The following ADGRL2 variants were observed in gnomAD, a reference collection of about 807,000 sequenced individuals.
ADGRL2 encodes the protein adhesion G protein-coupled receptor L2.
ADGRL2 carries 44 observed loss-of-function variants against 157.4 expected under a neutral mutation model. That is an observed-to-expected ratio of 0.28 (90% CI 0.22 to 0.36). ADGRL2 has a LOEUF of 0.36. ADGRL2 is among the 10% of genes least tolerant of loss of function. ADGRL2 has a pLI of 1.00. For synonymous variants in ADGRL2, 585 were observed against 624.7 expected, an observed-to-expected ratio of 0.94 and a Z score of 0.95; for missense variants, 1,510 against 1,768.9, an observed-to-expected ratio of 0.85 and a Z score of 2.63.
intron 1 of ADGRL2, among the ~76,000 whole-genome samples, chr1:81,717,167 G>T (rs1054271114): frequency 6.6e-6 from 1 of 152,256 alleles, no homozygotes; most frequent in Admixed American, 6.5e-5. Flanking sequence ...CAAAGGCTTG[G>T]GAATGTCTGC....
At chr1:81,637,912 C>T (rs1456272079) in intron 3 of ADGRL2, among the ~76,000 whole-genome samples, 3 of 143,358 alleles carry the variant, frequency 2.1e-5, no homozygotes, top group African/African-American at 7.6e-5. Flanking sequence ...AAAAGGTATG[C>T]TTTTTTTTTT....
intron 3 of ADGRL2, among the ~76,000 whole-genome samples, chr1:81,662,157 CAGTTATACTCTTTA>C (rs1317386969): frequency 6.6e-6 from 1 of 151,914 alleles, no homozygotes; most frequent in Admixed American, 6.6e-5. Flanking sequence ...ACAAACAATC[CAGTTATACTCTTTA>C]AGTTATTTTA....
intron 23 of ADGRL2, chr1:81,989,643 CT>C (rs771186471): frequency 1.2e-6 from 2 of 1,607,606 alleles, no homozygotes; most frequent in Non-Finnish European, 1.7e-6. Context: ...ATTTTACTTT[CT>C]TTTATATATC....
At position 81,482,425 on chromosome 1, in the gene ADGRL2, C is replaced by T. The variant is rs539741566; in HGVS notation, c.-248+37336C>T. ...AAAAAAAATTATCTTTGCTCTTGTCCTAAACCCACACATATAATTTATTAT... is the reference window on the plus strand; with the variant it reads ...AAAAAAAATTATCTTTGCTCTTGTCTTAAACCCACACATATAATTTATTAT... On this transcript the variant is annotated intron_variant, in intron 2 of 24. Coordinates refer to the ADGRL2 transcript ENST00000370721. Among the ~76,000 whole-genome samples, 165 of 152,190 alleles carry T rather than the reference C, an allele frequency of 1.1e-3. 1 individual carries two copies. The highest frequency in any genetic ancestry group is 2.0e-3 in the Non-Finnish European group (138 of 68,006).
At chr1:81,948,149 G>A (rs906900015) in intron 6 of ADGRL2, among the ~76,000 whole-genome samples, 3 of 151,192 alleles carry the variant, frequency 2.0e-5, no homozygotes, top group African/African-American at 4.9e-5. Context: ...CGCAGGAGGC[G>A]GAGGTTGCAG....
chr1:81,342,652 T>C (rs1199128929), intron 1 of ADGRL2, among the ~76,000 whole-genome samples: 1 of 152,218 alleles, frequency 6.6e-6, no homozygotes, highest in East Asian at 1.9e-4. Context: ...CAATTTTCCA[T>C]TAAGTAACTT....
intron 2 of ADGRL2, among the ~76,000 whole-genome samples, chr1:81,878,771 A>G (rs1327225523): frequency 1.3e-5 from 2 of 152,216 alleles, no homozygotes; most frequent in African/African-American, 4.8e-5. Context: ...AAATGGTGTC[A>G]TGGGAAACAT....
chr1:81,952,866 G>A (rs1167671491), intron 9 of ADGRL2, 121 bp from the exon 10 acceptor site: 2 of 726,690 alleles, frequency 2.8e-6, no homozygotes, highest in Non-Finnish European at 4.9e-6. Flanking sequence ...AGACTCCAGA[G>A]GACTACTGCA....
At chr1:81,476,881 A>G (rs1157325163) in intron 2 of ADGRL2, among the ~76,000 whole-genome samples, 2 of 152,112 alleles carry the variant, frequency 1.3e-5, no homozygotes, top group Non-Finnish European at 2.9e-5. Flanking sequence ...TAGAAATTTT[A>G]TCAACATCCA....
intron 1 of ADGRL2, among the ~76,000 whole-genome samples, chr1:81,808,863 C>T (rs1407615845): frequency 3.3e-5 from 5 of 152,038 alleles, no homozygotes; most frequent in South Asian, 2.1e-4. Context: ...AGTGCAGGAA[C>T]AAGCACAACC....
At chr1:81,658,383 C>T (rs2082580929) in intron 3 of ADGRL2, among the ~76,000 whole-genome samples, 1 of 152,210 alleles carries the variant, frequency 6.6e-6, no homozygotes, top group Admixed American at 6.5e-5. Flanking sequence ...GTGTGAGCCA[C>T]TGCACATGGC....
At chr1:81,392,338 G>A (rs912445905) in intron 1 of ADGRL2, among the ~76,000 whole-genome samples, 1 of 151,910 alleles carries the variant, frequency 6.6e-6, no homozygotes, top group Non-Finnish European at 1.5e-5. Flanking sequence ...GAATATATTT[G>A]AAATATTTAA....
intron 2 of ADGRL2, among the ~76,000 whole-genome samples, chr1:81,846,246 A>G (rs1425606747): frequency 6.6e-6 from 1 of 151,746 alleles, no homozygotes. Context: ...TTATATCTAC[A>G]TAGATTGAAT....
intron 3 of ADGRL2, among the ~76,000 whole-genome samples, chr1:81,670,021 T>G (rs910117247): frequency 6.6e-6 from 1 of 151,066 alleles, no homozygotes; most frequent in African/African-American, 2.4e-5. Flanking sequence ...GGGGGAAGGA[T>G]AGAATTAGGC....
intron 1 of ADGRL2, among the ~76,000 whole-genome samples, chr1:81,707,190 G>A (rs571673586): frequency 7.7e-4 from 117 of 152,148 alleles, no homozygotes; most frequent in Non-Finnish European, 1.3e-3. Context: ...GATGACTAAG[G>A]TTAATTATCA....
intron 1 of ADGRL2, among the ~76,000 whole-genome samples, chr1:81,314,962 C>T (rs1335310829): frequency 2.0e-5 from 3 of 152,104 alleles, no homozygotes; most frequent in Non-Finnish European, 4.4e-5. Context: ...ATATAAACAG[C>T]ATTTGGTCTT....
Position 81,970,483 on chromosome 1 carries a change from T to C in ADGRL2, c.2903T>C (p.Val968Ala). The C allele has an allele frequency of 6.3e-7, 1 of 1,577,180 alleles. No individual in the cohort carries two copies. The highest frequency in any genetic ancestry group is 8.6e-7 in the Non-Finnish European group (1 of 1,168,202). ...YVAGYLFPATVVGVSAAIDYK... is the reference protein window; with the variant it reads ...YVAGYLFPATAVGVSAAIDYK... The stretch of plus-strand genomic sequence containing the variant: ...GCTGGTTACTTGTTTCCTGCCACAG[T>C]GGTTGGAGTTTCAGCTGCTATTGAC... Residue 968 changes from valine (V) to alanine (A), a missense_variant, in exon 16 of 24, where the codon GTG becomes GCG. This residue lies in a region of ADGRL2 where 497 missense variants were observed against 627.2 expected (regional missense o/e 0.79). Coordinates refer to ENST00000686636, the MANE Select transcript of ADGRL2 (RefSeq NM_001366006.2).
At chr1:81,733,890 C>G (rs1170448089) in intron 1 of ADGRL2, among the ~76,000 whole-genome samples, 1 of 152,094 alleles carries the variant, frequency 6.6e-6, no homozygotes, top group African/African-American at 2.4e-5. Context: ...AGGTACAAGG[C>G]TTAATACCTG....
chr1:81,777,937 A>G (rs192335915), intron 2 of ADGRL2, among the ~76,000 whole-genome samples: 1 of 152,230 alleles, frequency 6.6e-6, no homozygotes, highest in East Asian at 1.9e-4. Context: ...TCTGTGGTAT[A>G]CCCCTTGAAA....
Sources: gnomAD v4.1 joint callset for allele counts (sites outside exome capture counted in the v4.1 genomes callset) on GRCh38, gnomAD v4.1.1 for gene constraint, gnomAD v4.1.1 regional missense constraint, MANE v1.5 for transcripts, NCBI Gene and HGNC (gene_info 2026-07-23, HGNC 2026-07-21) for gene names.